Variants in SIL1 observed in about 807,000 individuals in gnomAD.
SIL1 encodes nucleotide exchange factor SIL1.
SIL1 carries 40 observed loss-of-function variants against 49.1 expected under a neutral mutation model. That is an observed-to-expected ratio of 0.81 (90% CI 0.63 to 1.06). The LOEUF is 1.06. Among genes scored for constraint, SIL1 ranks in the 50% least tolerant of loss-of-function variants. The pLI, the probability that SIL1 is intolerant of heterozygous loss-of-function variation, is 0.00. For missense variants in SIL1, 500 were observed against 572.6 expected, an observed-to-expected ratio of 0.87 and a Z score of 1.29; for synonymous variants, 253 against 250.8, an observed-to-expected ratio of 1.01 and a Z score of -0.08.
At chr5:139,040,498 CTT>C (rs11312366) in intron 5 of SIL1, among the ~76,000 whole-genome samples, 60 of 105,298 alleles carry the variant, frequency 5.7e-4, no homozygotes, top group East Asian at 8.5e-4. Context: ...TTTCTTTTTT[CTT>C]TTTTTTTTTT....
Position 139,051,019 on chromosome 5 carries a change from A to G in SIL1, c.272T>C (p.Val91Ala), listed in dbSNP as rs1461916800. Residue 91 changes from valine to alanine, a missense_variant, in exon 4 of 10, where the codon GTA (valine) becomes GCA (alanine). By Grantham distance (64) the Val-to-Ala change is moderately conservative (BLOSUM62 0). Coordinates refer to ENST00000394817, the MANE Select transcript of SIL1 (RefSeq NM_022464.5). ...TTCCCCAGTCTGAAGATTCAGCCGT[A>G]CGTGGGATCCTGCAGGGACAGCCTG... ...PGQAVPAGSH[V>A]RLNLQTGERE... The G allele has an allele frequency of 2.5e-6, 4 of 1,614,084 alleles. No homozygotes were observed. The highest frequency in any genetic ancestry group is 2.5e-6 in the Non-Finnish European group (3 of 1,180,042).
intron 3 of SIL1, among the ~76,000 whole-genome samples, chr5:139,072,720 T>C (rs767106574): frequency 2.6e-5 from 4 of 152,000 alleles, no homozygotes; most frequent in African/African-American, 4.8e-5. Flanking sequence ...TAGGATTACA[T>C]CAAACTAAAA....
At chr5:139,122,390 C>T (rs1372906387) in intron 2 of SIL1, among the ~76,000 whole-genome samples, 2 of 152,094 alleles carry the variant, frequency 1.3e-5, no homozygotes, top group Non-Finnish European at 2.9e-5. Context: ...CCCAAGAGTT[C>T]AAGACCAGCC....
At chr5:139,048,391 T>G (rs2150451363) in intron 4 of SIL1, among the ~76,000 whole-genome samples, 1 of 146,256 alleles carries the variant, frequency 6.8e-6, no homozygotes, top group East Asian at 1.9e-4. Flanking sequence ...TTTTTTTTTT[T>G]TTGAGACAGG....
At chr5:139,013,161 C>T (rs1209375956) in intron 7 of SIL1, among the ~76,000 whole-genome samples, 2 of 152,158 alleles carry the variant, frequency 1.3e-5, no homozygotes, top group Non-Finnish European at 2.9e-5. Flanking sequence ...GAACCTATCA[C>T]CTGTCCCCAA....
At chr5:139,174,327 T>C (rs1326119545) in intron 1 of SIL1, among the ~76,000 whole-genome samples, 1 of 151,510 alleles carries the variant, frequency 6.6e-6, no homozygotes, top group African/African-American at 2.4e-5. Context: ...CAAGATCCCA[T>C]CTCTACAAAA....
At chr5:139,078,499 A>G (rs1371167676) in intron 3 of SIL1, among the ~76,000 whole-genome samples, 1 of 152,204 alleles carries the variant, frequency 6.6e-6, no homozygotes, top group African/African-American at 2.4e-5. Context: ...AGGTTTCACC[A>G]GACCTGCTTT....
rs1769274052 is a variant in SIL1 at position 139,051,055 on chromosome 5, C to A, written c.245-9G>T. The A allele has an allele frequency of 6.2e-7, 1 of 1,613,672 alleles. No homozygotes were observed. Among genetic ancestry groups the A allele is most frequent in the Non-Finnish European group, 8.5e-7 (1 of 1,179,718 alleles). On this transcript the variant is annotated splice_polypyrimidine_tract_variant and intron_variant, in intron 3 of 9. Coordinates refer to ENST00000394817, the MANE Select transcript of SIL1 (RefSeq NM_022464.5). ...TGCAGGGACAGCCTGCCCTAAAAGC[C>A]AAGAAGAGAAAAGGCTCATGAGGTA...
intron 7 of SIL1, among the ~76,000 whole-genome samples, chr5:139,000,086 A>G (rs1284792452): frequency 6.6e-6 from 1 of 152,084 alleles, no homozygotes; most frequent in Admixed American, 6.6e-5. Flanking sequence ...GTTCAGTACA[A>G]TGTTAGCTAT....
At chr5:139,104,649 C>A (rs964037419) in intron 3 of SIL1, among the ~76,000 whole-genome samples, 1 of 152,180 alleles carries the variant, frequency 6.6e-6, no homozygotes, top group African/African-American at 2.4e-5. Flanking sequence ...CCTGACATAT[C>A]AACATAATGA....
At chr5:139,185,377 CT>C (rs1277767828) in intron 1 of SIL1, among the ~76,000 whole-genome samples, 1 of 152,168 alleles carries the variant, frequency 6.6e-6, no homozygotes, top group Non-Finnish European at 1.5e-5. Context: ...GAATGTATAG[CT>C]CACATTTATC....
intron 1 of SIL1, among the ~76,000 whole-genome samples, chr5:139,141,995 G>A (rs1387287263): frequency 1.3e-5 from 2 of 152,150 alleles, no homozygotes; most frequent in African/African-American, 4.8e-5. Context: ...AGAACACATG[G>A]AAAAAGCCGC....
chr5:139,195,689 A>C (rs1581164553), intron 1 of SIL1, among the ~76,000 whole-genome samples: 2 of 152,288 alleles, frequency 1.3e-5, no homozygotes, highest in Non-Finnish European at 2.9e-5. Flanking sequence ...GCCCGGCCCT[A>C]TTCCCACTGT....
chr5:138,992,805 A>C (rs1161855465), intron 7 of SIL1, among the ~76,000 whole-genome samples: 3 of 152,098 alleles, frequency 2.0e-5, no homozygotes, highest in Non-Finnish European at 2.9e-5. Flanking sequence ...AAATCTCAGA[A>C]ATCACCACTA....
chr5:139,033,718 G>C (rs1012102136), intron 5 of SIL1, among the ~76,000 whole-genome samples: 3 of 152,112 alleles, frequency 2.0e-5, no homozygotes, highest in African/African-American at 7.2e-5. Context: ...AAACTGTTGA[G>C]ATCTGTTTGA....
At chr5:139,171,115 G>T (rs10477807) in intron 1 of SIL1, among the ~76,000 whole-genome samples, 2 of 148,102 alleles carry the variant, frequency 1.4e-5, no homozygotes, top group Non-Finnish European at 3.0e-5. Flanking sequence ...CGCCCCGTCC[G>T]GGAGGTGAGG....
chr5:139,010,766 A>T (rs1197857195), intron 7 of SIL1, among the ~76,000 whole-genome samples: 3 of 151,976 alleles, frequency 2.0e-5, no homozygotes, highest in African/African-American at 7.2e-5. Flanking sequence ...CCTCCCAGTT[A>T]GGCTGCTCGG....
intron 1 of SIL1, among the ~76,000 whole-genome samples, chr5:139,191,353 G>A (rs1341462500): frequency 6.6e-6 from 1 of 151,444 alleles, no homozygotes; most frequent in Non-Finnish European, 1.5e-5. Context: ...TGTCTGTATC[G>A]ATTGTCCTAC....
intron 3 of SIL1, among the ~76,000 whole-genome samples, chr5:139,060,899 A>G (rs1466214651): frequency 6.6e-6 from 1 of 152,144 alleles, no homozygotes; most frequent in Admixed American, 6.6e-5. Context: ...CCAGGACAAG[A>G]GGAACCCTGG....
Sources: gnomAD v4.1 joint callset for allele counts (sites outside exome capture counted in the v4.1 genomes callset) on GRCh38, gnomAD v4.1.1 for gene constraint, MANE v1.5 for transcripts, NCBI Gene and HGNC (gene_info 2026-07-23, HGNC 2026-07-21) for gene names.